Variants in LY96 observed in about 807,000 individuals in gnomAD.
LY96 encodes the protein myeloid differentiation protein-2.
Under a neutral mutation model 18.9 loss-of-function variants are expected in LY96, and 18 were observed. The ratio of observed to expected loss-of-function variants is 0.95; its 90% CI spans 0.66 to 1.41. The LOEUF is 1.41. Ranked by LOEUF, LY96 falls within the 40% of genes most tolerant of loss-of-function variation. The probability of loss-of-function intolerance (pLI) is 0.00; values close to 1 mark genes in which losing one functional copy is unlikely to be tolerated. For missense variants in LY96, 175 were observed against 182.4 expected (o/e 0.96, Z 0.23); for synonymous variants, 66 against 62.6 (o/e 1.06, Z -0.26).
chr8:74,075,153 C>G, the LY96 span, among the ~76,000 whole-genome samples: 1 of 152,158 alleles, frequency 6.6e-6, no homozygotes, highest in African/African-American at 2.4e-5. Flanking sequence ...CTTTATACGT[C>G]TAGATGCTTC....
the LY96 span, among the ~76,000 whole-genome samples, chr8:74,044,099 C>T: frequency 6.6e-6 from 1 of 151,952 alleles, no homozygotes; most frequent in African/African-American, 2.4e-5. Context: ...ATGGCCAGTG[C>T]CAGAGCAAAC....
chr8:74,051,155 T>C, the LY96 span, among the ~76,000 whole-genome samples: 1 of 152,214 alleles, frequency 6.6e-6, no homozygotes, highest in African/African-American at 2.4e-5. Context: ...GATTCATTTA[T>C]AATTCTCAGA....
chr8:73,993,568 G>A (rs1003318061), intron 1 of LY96, among the ~76,000 whole-genome samples: 2 of 151,622 alleles, frequency 1.3e-5, no homozygotes, highest in Non-Finnish European at 1.5e-5. Flanking sequence ...TCAGCCTCCC[G>A]AGTAGCTGGG....
chr8:74,030,385 C>T (rs532996819), downstream of LY96, among the ~76,000 whole-genome samples: 4 of 152,222 alleles, frequency 2.6e-5, no homozygotes, highest in East Asian at 1.9e-4. Context: ...TGGTGGCATG[C>T]GCCTGTAATC....
the LY96 span, among the ~76,000 whole-genome samples, chr8:74,080,992 TTCTTTCTTTC>T: frequency 2.6e-5 from 2 of 75,792 alleles, no homozygotes; most frequent in African/African-American, 7.6e-5. Context: ...CTCTCTTTCT[TTCTTTCTTTC>T]TTTCTTTCTT....
the LY96 span, among the ~76,000 whole-genome samples, chr8:74,049,046 C>G: frequency 2.0e-5 from 3 of 152,130 alleles, no homozygotes; most frequent in African/African-American, 7.2e-5. Flanking sequence ...TATGAGGACA[C>G]CTAGTGGTCC....
chr8:74,014,306 G>GGGACTGA (rs1252155382), intron 3 of LY96, among the ~76,000 whole-genome samples: 2 of 150,496 alleles, frequency 1.3e-5, no homozygotes, highest in Non-Finnish European at 3.0e-5. Context: ...CCAGCTACTT[G>GGGACTGA]GGACTGAGGT....
At chr8:74,040,737 C>G in the LY96 span, among the ~76,000 whole-genome samples, 4 of 131,200 alleles carry the variant, frequency 3.0e-5, no homozygotes, top group African/African-American at 1.2e-4. Flanking sequence ...CAATCTCACT[C>G]TGTCGCCTGG....
At chr8:74,091,134 A>G in the LY96 span, among the ~76,000 whole-genome samples, 1 of 152,102 alleles carries the variant, frequency 6.6e-6, no homozygotes, top group Admixed American at 6.5e-5. Context: ...GTATACGAGG[A>G]GAAAGTGAGG....
chr8:74,081,077 TTC>T, the LY96 span, among the ~76,000 whole-genome samples: 1 of 104,030 alleles, frequency 9.6e-6, no homozygotes, highest in Non-Finnish European at 1.8e-5. Context: ...ACTTTCTTTC[TTC>T]TCTTTCTCTC....
At chr8:74,035,018 G>C in the LY96 span, among the ~76,000 whole-genome samples, 3 of 152,084 alleles carry the variant, frequency 2.0e-5, no homozygotes, top group Non-Finnish European at 4.4e-5. Flanking sequence ...AAAGCCTCCT[G>C]GGTACAAAAC....
chr8:74,075,633 T>C, the LY96 span, among the ~76,000 whole-genome samples: 1 of 152,232 alleles, frequency 6.6e-6, no homozygotes, highest in Non-Finnish European at 1.5e-5. Context: ...AGTTTACCTA[T>C]TTTAGAAGAT....
the LY96 span, among the ~76,000 whole-genome samples, chr8:74,076,537 C>G: frequency 6.6e-5 from 10 of 152,056 alleles, no homozygotes; most frequent in East Asian, 1.7e-3. Flanking sequence ...GTTGGCCAGG[C>G]TAGTCTTGAA....
chr8:74,002,066 C>CTTTCTTT lies in LY96; in HGVS notation c.113-2730_113-2729insTTTCTTT, dbSNP rs1563710798. Among the ~76,000 whole-genome samples, 11 of 22,542 alleles carry CTTTCTTT rather than the reference C, an allele frequency of 4.9e-4. 2 individuals are homozygous for CTTTCTTT. The highest frequency in any genetic ancestry group is 6.1e-4 in the African/African-American group (3 of 4,882). The allele number at this position is 22,542 out of a possible 152,430, so 14.8% of individuals were successfully genotyped here. ...TCCTTCCTTCCTTCCTTCCTTCCTT[C>CTTTCTTT]CTTCCTTCCTTTCTTTCTTTCTTTC... On this transcript the variant is annotated intron_variant, in intron 1 of 4. Coordinates refer to ENST00000284818, the MANE Select transcript of LY96 (RefSeq NM_015364.5).
At chr8:74,016,447 A>G (rs1349711345) in intron 3 of LY96, among the ~76,000 whole-genome samples, 1 of 152,224 alleles carries the variant, frequency 6.6e-6, no homozygotes, top group Non-Finnish European at 1.5e-5. Flanking sequence ...ATAGCTGAAC[A>G]AAAGGCAGCA....
chr8:73,995,934 A>G (rs1816117024), intron 1 of LY96, among the ~76,000 whole-genome samples: 1 of 152,202 alleles, frequency 6.6e-6, no homozygotes, highest in African/African-American at 2.4e-5. Context: ...AAAGAAAAAT[A>G]AGGCTGGGGG....
intron 3 of LY96, among the ~76,000 whole-genome samples, chr8:74,014,089 T>C (rs1816588298): frequency 6.6e-6 from 1 of 151,250 alleles, no homozygotes; most frequent in African/African-American, 2.4e-5. Context: ...AGAGAGATTT[T>C]TGGGAGACAG....
intron 1 of LY96, among the ~76,000 whole-genome samples, chr8:74,001,247 A>G (rs1175681261): frequency 2.0e-5 from 3 of 146,886 alleles, no homozygotes; most frequent in Non-Finnish European, 4.5e-5. Context: ...TTTTTTTGAG[A>G]CAGTCTCGCT....
chr8:74,070,116 C>T, the LY96 span, among the ~76,000 whole-genome samples: 1 of 149,692 alleles, frequency 6.7e-6, no homozygotes, highest in African/African-American at 2.5e-5. Context: ...TTTTGAGACG[C>T]GGTGTCACTC....
Sources: gnomAD v4.1 joint callset for allele counts (sites outside exome capture counted in the v4.1 genomes callset) on GRCh38, gnomAD v4.1.1 for gene constraint, MANE v1.5 for transcripts, NCBI Gene and HGNC (gene_info 2026-07-23, HGNC 2026-07-21) for gene names.